The following WSB2 variants were observed in gnomAD, a reference collection of about 807,000 sequenced individuals.
The protein encoded by WSB2 is WD repeat and SOCS box containing 2.
WSB2 carries 12 observed loss-of-function variants against 48.8 expected under a neutral mutation model. That is an observed-to-expected ratio of 0.25 (90% CI 0.16 to 0.40). WSB2 has a LOEUF of 0.40. WSB2 is among the 10% of genes least tolerant of loss of function. The pLI is 1.00. For synonymous variants in WSB2, 191 were observed against 203.1 expected (o/e 0.94, Z 0.51); for missense variants, 317 against 506.2 (o/e 0.63, Z 3.59).
Position 118,061,112 on chromosome 12 carries a change from C to A in WSB2, c.-64G>T. 1 of 980,562 alleles carries A rather than the reference C, an allele frequency of 1.0e-6. No homozygotes were observed. Among genetic ancestry groups the A allele is most frequent in the South Asian group, 4.6e-5 (1 of 21,934 alleles). 60.7% of individuals were successfully genotyped at this position (980,562 alleles called of 1,614,324 possible). On this transcript the variant is annotated 5_prime_UTR_variant, in exon 1 of 9. An upstream start codon of the reference 5' UTR is lost. Coordinates refer to ENST00000315436, the MANE Select transcript of WSB2 (RefSeq NM_018639.5). ...CTCAGCCCCCCGGGCCGCGGGCCCT[C>A]ATGCCGCCCCCGCGCCGCCCGCCCC...
chr12:118,062,095 C>G (rs957246865), upstream of WSB2: 3 of 1,535,008 alleles, frequency 2.0e-6, no homozygotes, highest in African/African-American at 2.7e-5. Flanking sequence ...GTCCCCTTAC[C>G]TACCTACGGC....
rs80198634 is a variant in WSB2 at position 118,048,854 on chromosome 12, C to T, written c.182+3456G>A. ...TGTTATTGTTTTCATTTACTGATAC[C>T]AGTAATTAAAGTAAAGGAGCTTTCC... On this transcript the variant is annotated intron_variant, in intron 2 of 8. Coordinates refer to ENST00000315436, the MANE Select transcript of WSB2 (RefSeq NM_018639.5). Among the ~76,000 whole-genome samples the T allele has an allele frequency of 3.0e-3, 461 of 151,992 alleles. 3 individuals are homozygous for T. The highest frequency in any genetic ancestry group is 0.011 in the African/African-American group (439 of 41,426).
intron 1 of WSB2, among the ~76,000 whole-genome samples, chr12:118,058,821 T>C (rs2032011080): frequency 6.6e-6 from 1 of 151,854 alleles, no homozygotes; most frequent in South Asian, 2.1e-4. Flanking sequence ...CTCAGCCTCC[T>C]GAGTAGCTGG....
At position 118,034,078 on chromosome 12, in the gene WSB2, C is replaced by G. The variant is rs1244214424; in HGVS notation, c.*118G>C. The G allele has an allele frequency of 6.5e-6, 9 of 1,385,226 alleles. No homozygotes were observed. The African/African-American group carries it at 1.1e-4, about 18-fold the overall frequency. The allele number at this position is 1,385,226 out of a possible 1,614,324, so 85.8% of individuals were successfully genotyped here. Reference sequence around the variant, plus strand: ...GAATCTGGTTTTGCTACATTCTATTCACAATCCCAAAGAAATGCTATTTCA... The same window carrying G: ...GAATCTGGTTTTGCTACATTCTATTGACAATCCCAAAGAAATGCTATTTCA... On this transcript the variant is annotated 3_prime_UTR_variant, in exon 9 of 9. Coordinates refer to ENST00000315436, the MANE Select transcript of WSB2 (RefSeq NM_018639.5).
At chr12:118,044,766 C>T (rs1195087409) in intron 2 of WSB2, among the ~76,000 whole-genome samples, 1 of 152,060 alleles carries the variant, frequency 6.6e-6, no homozygotes, top group Non-Finnish European at 1.5e-5. Flanking sequence ...TGGGGTTGAG[C>T]CTGAAAACAT....
chr12:118,046,235 C>T (rs1360130793), intron 2 of WSB2, among the ~76,000 whole-genome samples: 4 of 151,856 alleles, frequency 2.6e-5, no homozygotes, highest in South Asian at 2.1e-4. Flanking sequence ...CTGAGGCGGG[C>T]GGATCACTTG....
chr12:118,043,623 T>C (rs545955635), intron 2 of WSB2, among the ~76,000 whole-genome samples: 2 of 152,268 alleles, frequency 1.3e-5, no homozygotes, highest in African/African-American at 4.8e-5. Context: ...TTTGTTTGTA[T>C]TTTTTGTAGG....
intron 8 of WSB2, 177 bp from the exon 9 acceptor site, chr12:118,034,535 T>G: frequency 1.4e-6 from 1 of 705,534 alleles, no homozygotes; most frequent in Non-Finnish European, 2.2e-6. Context: ...AAGCTGCTGA[T>G]AGGATTAGAA....
In WSB2 at chr12:118,035,198, G is replaced by A; in HGVS notation, c.944+16C>T. ...CACTTGTTCTGAGGCCATGTAAAGA[G>A]AGTTCTCTTCGTTACCTGTCATCTG... On this transcript the variant is annotated intron_variant, in intron 7 of 8. Transcript: ENST00000315436. The A allele has an allele frequency of 6.2e-7, 1 of 1,613,888 alleles. No individual in the cohort carries two copies. The highest frequency in any genetic ancestry group is 1.3e-5 in the African/African-American group (1 of 75,050).
chr12:118,044,143 A>T (rs1426716378), intron 2 of WSB2, among the ~76,000 whole-genome samples: 2 of 152,088 alleles, frequency 1.3e-5, no homozygotes, highest in Non-Finnish European at 2.9e-5. Flanking sequence ...GTTGATGTTA[A>T]CACAGGCTAT....
intron 5 of WSB2, among the ~76,000 whole-genome samples, chr12:118,036,838 G>A (rs774740138): frequency 6.6e-6 from 1 of 152,184 alleles, no homozygotes; most frequent in Non-Finnish European, 1.5e-5. Context: ...TAGGGTAGTC[G>A]TATGTGCTGA....
chr12:118,044,897 G>T (rs1189177199), intron 2 of WSB2, among the ~76,000 whole-genome samples: 1 of 152,158 alleles, frequency 6.6e-6, no homozygotes, highest in Non-Finnish European at 1.5e-5. Context: ...GGTCAGATTT[G>T]ATTCCATGAG....
upstream of WSB2, chr12:118,061,240 AG>A (rs935696070): frequency 5.9e-5 from 54 of 908,190 alleles, no homozygotes; most frequent in African/African-American, 1.4e-4. Context: ...GGGGAAACGG[AG>A]GGGGGGTGCG....
At chr12:118,034,791 A>G in intron 8 of WSB2, 195 bp downstream of exon 8, 2 of 590,416 alleles carry the variant, frequency 3.4e-6, no homozygotes, top group South Asian at 4.8e-5. Context: ...ATCTTTAATT[A>G]CATTTAGGTT....
At chr12:118,043,467 G>A in intron 2 of WSB2, 90 bp from the exon 3 acceptor site, 3 of 1,496,886 alleles carry the variant, frequency 2.0e-6, no homozygotes, top group Non-Finnish European at 2.7e-6. Context: ...TTTGGGGAGT[G>A]GAGGGAAGGG....
At chr12:118,034,467 G>T in intron 8 of WSB2, 109 bp from the exon 9 acceptor site, 3 of 1,311,034 alleles carry the variant, frequency 2.3e-6, no homozygotes, top group South Asian at 1.4e-5. Context: ...AGACTTCGGA[G>T]AGTGAAATGT....
chr12:118,038,452 G>A (rs1191836310), intron 4 of WSB2, 64 bp from the exon 5 acceptor site: 1 of 1,509,804 alleles, frequency 6.6e-7, no homozygotes, highest in African/African-American at 1.4e-5. Context: ...TGGAGAACGG[G>A]AGAACTGGGG....
chr12:118,034,593 C>CTCTCTCTCTCTCTCTCTT, intron 8 of WSB2: 1 of 541,842 alleles, frequency 1.8e-6, no homozygotes, highest in Non-Finnish European at 3.2e-6. Context: ...GTCTCTCTCT[C>CTCTCTCTCTCTCTCTCTT]GGCACAGCCC....
chr12:118,038,851 T>G (rs1446932861), intron 4 of WSB2, among the ~76,000 whole-genome samples: 1 of 152,140 alleles, frequency 6.6e-6, no homozygotes. Flanking sequence ...CAGCTCATTT[T>G]TGTACTTTTA....
Sources: allele counts gnomAD v4.1 joint callset (sites outside exome capture counted in the v4.1 genomes callset), GRCh38; gene constraint gnomAD v4.1.1; transcripts MANE v1.5; gene names NCBI Gene and HGNC (gene_info 2026-07-23, HGNC 2026-07-21).